LSAMP: variants seen among roughly 807,000 people sequenced by gnomAD.
The protein encoded by LSAMP is limbic system associated membrane protein, also known as limbic system-associated membrane protein.
In LSAMP, 7 loss-of-function variants were observed where a neutral mutation model predicts 38.6. The observed-to-expected ratio is 0.18, with a 90% CI of 0.10 to 0.34. The LOEUF is 0.34. Among genes scored for constraint, LSAMP ranks in the 10% least tolerant of loss-of-function variants. The probability of loss-of-function intolerance (pLI) is 1.00; values close to 1 mark genes in which losing one functional copy is unlikely to be tolerated. For synonymous variants in LSAMP, 154 were observed against 166.8 expected (o/e 0.92, Z 0.59); for missense variants, 313 against 420.0 (o/e 0.75, Z 2.23).
intron 3 of LSAMP, among the ~76,000 whole-genome samples, chr3:115,872,250 C>T (rs777871574): frequency 2.6e-4 from 39 of 152,132 alleles, no homozygotes; most frequent in Non-Finnish European, 4.7e-4. Context: ...TATGGATCAA[C>T]AGCATTTCTA....
chr3:115,940,717 A>G (rs1044871653), intron 3 of LSAMP, among the ~76,000 whole-genome samples: 1 of 152,102 alleles, frequency 6.6e-6, no homozygotes, highest in Admixed American at 6.6e-5. Context: ...AGTTAACCAC[A>G]TATGTTTGGG....
intron 1 of LSAMP, among the ~76,000 whole-genome samples, chr3:116,112,323 T>C (rs1327047842): frequency 6.6e-6 from 1 of 152,176 alleles, no homozygotes; most frequent in African/African-American, 2.4e-5. Flanking sequence ...CGCATAAGTA[T>C]GATACAGGGC....
intron 1 of LSAMP, among the ~76,000 whole-genome samples, chr3:116,090,825 C>T (rs1708105643): frequency 6.6e-6 from 1 of 152,122 alleles, no homozygotes; most frequent in South Asian, 2.1e-4. Context: ...ACATCAAGTA[C>T]TTAACAGAGT....
At chr3:115,972,264 A>T (rs1431863755) in intron 3 of LSAMP, among the ~76,000 whole-genome samples, 1 of 152,066 alleles carries the variant, frequency 6.6e-6, no homozygotes, top group African/African-American at 2.4e-5. Context: ...CAACTAAATC[A>T]TATGAAAAGG....
chr3:116,108,331 G>T (rs1708515701), intron 1 of LSAMP, among the ~76,000 whole-genome samples: 1 of 152,032 alleles, frequency 6.6e-6, no homozygotes, highest in South Asian at 2.1e-4. Context: ...AAAAAGGAGT[G>T]CTTAAAAGAG....
At chr3:116,091,586 T>C (rs991128624) in intron 1 of LSAMP, among the ~76,000 whole-genome samples, 1 of 152,234 alleles carries the variant, frequency 6.6e-6, no homozygotes, top group Non-Finnish European at 1.5e-5. Flanking sequence ...ATCTTCACAA[T>C]CCACGTTCTT....
intron 1 of LSAMP, among the ~76,000 whole-genome samples, chr3:116,303,613 C>T (rs1461139): frequency 0.03 from 4,556 of 152,236 alleles, 105 homozygotes; most frequent in Middle Eastern, 0.071. Context: ...AACAGATATT[C>T]ACCAACATCT....
At chr3:115,861,163 TTCCTTCCTTCCTTCCTTCC>T (rs1935679919) in intron 3 of LSAMP, among the ~76,000 whole-genome samples, 1 of 110,332 alleles carries the variant, frequency 9.1e-6, no homozygotes, top group Non-Finnish European at 1.8e-5. Context: ...CCTTCCTTCC[TTCCTTCCTTCCTTCCTTCC>T]TTCCTTCCTT....
At chr3:116,138,658 G>A (rs1576387547) in intron 1 of LSAMP, among the ~76,000 whole-genome samples, 1 of 151,902 alleles carries the variant, frequency 6.6e-6, no homozygotes, top group Non-Finnish European at 1.5e-5. Flanking sequence ...AATGAGTAGG[G>A]ATCAGTCACA....
At chr3:116,367,143 G>T (rs775849742) in intron 1 of LSAMP, among the ~76,000 whole-genome samples, 2 of 152,060 alleles carry the variant, frequency 1.3e-5, no homozygotes, top group Non-Finnish European at 2.9e-5. Flanking sequence ...TCATTAGAAG[G>T]GTCATAGGAA....
chr3:115,824,435 T>A (rs1234581288), intron 6 of LSAMP, among the ~76,000 whole-genome samples: 1 of 152,166 alleles, frequency 6.6e-6, no homozygotes, highest in Non-Finnish European at 1.5e-5. Flanking sequence ...GACTCATGCC[T>A]GTAATCCCAG....
intron 1 of LSAMP, among the ~76,000 whole-genome samples, chr3:116,436,642 C>T (rs556774566): frequency 1.3e-5 from 2 of 152,264 alleles, no homozygotes; most frequent in South Asian, 4.1e-4. Flanking sequence ...CCACCTTACT[C>T]CTCCAAGAAT....
At chr3:115,885,876 A>G (rs1936441531) in intron 3 of LSAMP, among the ~76,000 whole-genome samples, 2 of 151,956 alleles carry the variant, frequency 1.3e-5, no homozygotes, top group African/African-American at 4.8e-5. Flanking sequence ...CCCCAAAACT[A>G]CAAAGTGAGT....
At chr3:116,434,288 T>C (rs1276087971) in intron 1 of LSAMP, among the ~76,000 whole-genome samples, 2 of 152,214 alleles carry the variant, frequency 1.3e-5, no homozygotes, top group East Asian at 1.9e-4. Context: ...AAATATTTAT[T>C]TGAGCATCCA....
intron 3 of LSAMP, among the ~76,000 whole-genome samples, chr3:115,876,461 T>C (rs1010174474): frequency 1.3e-4 from 19 of 151,882 alleles, no homozygotes; most frequent in Non-Finnish European, 4.4e-5. Flanking sequence ...AACTGTAAAA[T>C]GGGACCAAGA....
intron 1 of LSAMP, among the ~76,000 whole-genome samples, chr3:116,205,932 A>G (rs1275808372): frequency 1.6e-4 from 23 of 145,854 alleles, no homozygotes; most frequent in Admixed American, 8.2e-4. Context: ...TGAGTTAGGG[A>G]GGATTCCCTC....
chr3:116,081,498 T>C lies in LSAMP; in HGVS notation c.388+4826A>G, dbSNP rs949595143. Among the ~76,000 whole-genome samples, 4 of 152,204 alleles carry C rather than the reference T, an allele frequency of 2.6e-5. No homozygotes were observed. The South Asian group carries it at 8.3e-4, about 32-fold the overall frequency. The stretch of plus-strand genomic sequence containing the variant: ...GTTTCCTAATATTTAAGTTTTCAAT[T>C]ATTAAATTTAAAGGGCATCTAGAGA... On this transcript the variant is annotated intron_variant, in intron 2 of 6. Transcript: ENST00000490035.
intron 2 of LSAMP, among the ~76,000 whole-genome samples, chr3:116,024,019 G>A (rs1361218792): frequency 1.3e-5 from 2 of 151,736 alleles, no homozygotes; most frequent in Non-Finnish European, 2.9e-5. Context: ...ACTTGTTTAC[G>A]AAAGACCTTC....
rs113230618 is a variant in LSAMP at position 115,841,700 on chromosome 3, TGA to T, written c.919+143_919+144del. On this transcript the variant is annotated intron_variant, in intron 6 of 6. Transcript: ENST00000490035. Reference sequence around the variant, plus strand: ...ATAAATCTCTGCTATGCACAGGAGTTGAGAACCCTGTATTTTTGTTTCAGTGC... The same window carrying T: ...ATAAATCTCTGCTATGCACAGGAGTTGAACCCTGTATTTTTGTTTCAGTGC... 10 of 804,652 alleles carry T rather than the reference TGA, an allele frequency of 1.2e-5. No individual in the cohort carries two copies. In the African/African-American group the frequency reaches 1.6e-4, roughly 13 times the overall value. 49.8% of individuals were successfully genotyped at this position (804,652 alleles called of 1,614,324 possible). A position where few individuals can be genotyped will look rare whatever the true frequency, so the allele number is the denominator to read the frequency against.
Sources: gnomAD v4.1 joint callset for allele counts (sites outside exome capture counted in the v4.1 genomes callset) on GRCh38, gnomAD v4.1.1 for gene constraint, MANE v1.5 for transcripts, NCBI Gene and HGNC (gene_info 2026-07-23, HGNC 2026-07-21) for gene names.